ANXA6: variants seen among roughly 807,000 people sequenced by gnomAD.
The protein encoded by ANXA6 is 67 kDa calelectrin.
ANXA6 carries 71 observed loss-of-function variants against 95.4 expected under a neutral mutation model. That is an observed-to-expected ratio of 0.74 (90% CI 0.61 to 0.91). The LOEUF is 0.91. Among genes scored for constraint, ANXA6 ranks in the 40% least tolerant of loss-of-function variants. The pLI is 0.00. For missense variants in ANXA6, 830 were observed against 876.4 expected (o/e 0.95, Z 0.67); for synonymous variants, 289 against 315.9 (o/e 0.91, Z 0.90).
Position 151,129,846 on chromosome 5 carries a change from G to A in ANXA6, c.796-317C>T, listed in dbSNP as rs568972093. ...CTGCCTCAGCTTCCTGAGCAGCTGG[G>A]AGTACAGGTACCCACCACTACGCCT... On this transcript the variant is annotated intron_variant, in intron 11 of 25. Transcript: ENST00000354546. 2.2e-4 allele frequency among the ~76,000 whole-genome samples: 34 copies of A among 152,240 alleles called. No individual in the cohort carries two copies. In the East Asian group the frequency reaches 6.4e-3, roughly 29 times the overall value.
intron 13 of ANXA6, 101 bp from the exon 14 acceptor site, chr5:151,126,581 T>TAC (rs1179460954): frequency 1.2e-6 from 1 of 859,160 alleles, no homozygotes; most frequent in Non-Finnish European, 1.9e-6. Context: ...CCCCAACACA[T>TAC]ACACACACGT....
intron 17 of ANXA6, 34 bp downstream of exon 17, chr5:151,122,113 C>T (rs772012279): frequency 1.5e-5 from 22 of 1,420,262 alleles, no homozygotes; most frequent in African/African-American, 8.8e-5. Flanking sequence ...TATTGGCACC[C>T]GCAGACACTA....
intron 1 of ANXA6, chr5:151,151,034 G>A (rs1435171848): frequency 1.3e-5 from 2 of 152,198 alleles, no homozygotes; most frequent in African/African-American, 4.8e-5. Context: ...TTCAAGGAGG[G>A]GCCTCTTACT....
intron 12 of ANXA6, 87 bp downstream of exon 12, chr5:151,129,320 T>C: frequency 6.5e-7 from 1 of 1,536,638 alleles, no homozygotes; most frequent in Middle Eastern, 2.4e-4. Flanking sequence ...TCCTAGGACA[T>C]TTCCTTTTCC....
At chr5:151,157,604 C>T (rs535668978) in intron 1 of ANXA6, 76 bp downstream of exon 1, 1 of 152,928 alleles carries the variant, frequency 6.5e-6, no homozygotes, top group South Asian at 2.1e-4. Context: ...TGACTGGGCG[C>T]TTATTTCTTG....
chr5:151,145,304 G>A (rs549152704), intron 2 of ANXA6, among the ~76,000 whole-genome samples: 27 of 152,314 alleles, frequency 1.8e-4, no homozygotes, highest in African/African-American at 5.3e-4. Flanking sequence ...TGCCTTGGCC[G>A]GTGCTGACCT....
intron 12 of ANXA6, among the ~76,000 whole-genome samples, 157 bp downstream of exon 12, chr5:151,129,250 T>C (rs1374646881): frequency 6.6e-6 from 1 of 152,244 alleles, no homozygotes; most frequent in African/African-American, 2.4e-5. Flanking sequence ...TTGAATATCC[T>C]TAAATTCCTT....
intron 11 of ANXA6, 58 bp from the exon 12 acceptor site, chr5:151,129,587 G>T: frequency 6.6e-7 from 1 of 1,524,756 alleles, no homozygotes; most frequent in Non-Finnish European, 8.9e-7. Flanking sequence ...AGTGCTGATA[G>T]CTCCCAGCTT....
In ANXA6 at chr5:151,122,110, A is replaced by T. The variant is rs1184397846; in HGVS notation, c.1347+37T>A. ...GAGGATCACCTGTATCCCTATTGGCACCCGCAGACACTAGACCCCCTGGTG... is the reference window on the plus strand; with the variant it reads ...GAGGATCACCTGTATCCCTATTGGCTCCCGCAGACACTAGACCCCCTGGTG... On this transcript the variant is annotated intron_variant, in intron 17 of 25. Transcript: ENST00000354546. The T allele has an allele frequency of 7.2e-6, 10 of 1,383,896 alleles. No homozygotes were observed. The African/African-American group carries it at 1.3e-4, about 19-fold the overall frequency. 85.7% of individuals were successfully genotyped at this position (1,383,896 alleles called of 1,614,324 possible). A position where few individuals can be genotyped will look rare whatever the true frequency, so the allele number is the denominator to read the frequency against.
intron 23 of ANXA6, among the ~76,000 whole-genome samples, chr5:151,107,207 C>G (rs1481392180): frequency 1.3e-5 from 2 of 152,202 alleles, no homozygotes; most frequent in African/African-American, 2.4e-5. Flanking sequence ...CAAACTAACC[C>G]TTGTCCAGTG....
At chr5:151,102,311 T>G (rs1764571874) in intron 25 of ANXA6, among the ~76,000 whole-genome samples, 1 of 152,220 alleles carries the variant, frequency 6.6e-6, no homozygotes, top group African/African-American at 2.4e-5. Flanking sequence ...AGACTGCCTC[T>G]GAGATGCCCA....
chr5:151,110,942 C>T (rs528718648), intron 20 of ANXA6, among the ~76,000 whole-genome samples: 4 of 152,284 alleles, frequency 2.6e-5, no homozygotes, highest in Non-Finnish European at 4.4e-5. Flanking sequence ...CTCTGCCCTT[C>T]GCACCCCAAA....
intron 13 of ANXA6, 63 bp from the exon 14 acceptor site, chr5:151,126,543 A>AACACAC (rs3079845): frequency 0.012 from 10,217 of 828,732 alleles, 30 homozygotes; most frequent in Non-Finnish European, 0.013. Flanking sequence ...CACTCACACC[A>AACACAC]ACACACACAC....
chr5:151,124,028 C>T (rs1765242984), intron 15 of ANXA6, among the ~76,000 whole-genome samples: 1 of 152,222 alleles, frequency 6.6e-6, no homozygotes, highest in Admixed American at 6.5e-5. Flanking sequence ...GTACTTTCTT[C>T]AGTGCCAGGA....
chr5:151,140,972 G>T (rs976129132), intron 2 of ANXA6, among the ~76,000 whole-genome samples: 1 of 152,216 alleles, frequency 6.6e-6, no homozygotes, highest in Non-Finnish European at 1.5e-5. Context: ...GGCACAGGGG[G>T]CCCAGAGACA....
At chr5:151,156,355 G>T (rs994965303) in intron 1 of ANXA6, among the ~76,000 whole-genome samples, 3 of 152,178 alleles carry the variant, frequency 2.0e-5, no homozygotes, top group Admixed American at 6.5e-5. Context: ...CAGCACATCC[G>T]GACTGTAACC....
At chr5:151,156,994 T>C (rs1766253457) in intron 1 of ANXA6, among the ~76,000 whole-genome samples, 1 of 152,142 alleles carries the variant, frequency 6.6e-6, no homozygotes, top group African/African-American at 2.4e-5. Flanking sequence ...TGGGGAATTA[T>C]TTGAAGCCCC....
chr5:151,126,561 CACACACACA>C (rs1765324884), intron 13 of ANXA6, 81 bp from the exon 14 acceptor site: 29 of 1,000,954 alleles, frequency 2.9e-5, no homozygotes, highest in Non-Finnish European at 2.9e-5. Context: ...CACACACACA[CACACACACA>C]CCCCAACACA....
Position 151,134,087 on chromosome 5 carries a change from C to T in ANXA6, c.546+340G>A, listed in dbSNP as rs534845654. On this transcript the variant is annotated intron_variant, in intron 8 of 25. Coordinates refer to ENST00000354546, the MANE Select transcript of ANXA6 (RefSeq NM_001155.5). The stretch of plus-strand genomic sequence containing the variant: ...GTGATTAATGTATGCCTGTCTCTCC[C>T]GGTACCACTTGATTTTGTTCATTAG... Among the ~76,000 whole-genome samples the T allele has an allele frequency of 1.6e-4, 25 of 152,262 alleles. No individual in the cohort carries two copies. In the South Asian group the frequency reaches 3.9e-3, roughly 24 times the overall value.
Sources: allele counts gnomAD v4.1 joint callset (sites outside exome capture counted in the v4.1 genomes callset), GRCh38; gene constraint gnomAD v4.1.1; transcripts MANE v1.5; gene names NCBI Gene and HGNC (gene_info 2026-07-23, HGNC 2026-07-21).